The following ATL1 variants were observed in gnomAD, a reference collection of about 807,000 sequenced individuals.
ATL1 encodes atlastin GTPase 1.
In ATL1, 31 loss-of-function variants were observed where a neutral mutation model predicts 75.5. The ratio of observed to expected loss-of-function variants is 0.41; its 90% confidence interval spans 0.31 to 0.55. ATL1 has a LOEUF of 0.55. ATL1 is among the 20% of genes least tolerant of loss of function. The pLI is 0.27. For synonymous variants in ATL1, 226 were observed against 233.3 expected, an observed-to-expected ratio of 0.97 and a Z score of 0.28; for missense variants, 405 against 662.6, an observed-to-expected ratio of 0.61 and a Z score of 4.27.
rs1395786351 is a variant in ATL1, at chr14:50,542,369, G to C, written c.-140+9002G>C. 5 of 152,008 alleles carry C rather than the reference G, an allele frequency of 3.3e-5. No homozygotes were observed. In the East Asian group the frequency reaches 9.6e-4, roughly 29 times the overall value. 9.4% of individuals were successfully genotyped at this position (152,008 alleles called of 1,614,324 possible). A position where few individuals can be genotyped will look rare whatever the true frequency, so the allele number is the denominator to read the frequency against. ...ACGGGACTTAAAACCTAAATGACAG[G>C]TTGATAGGTGCAGCAAACTACCATG... On this transcript the variant is annotated intron_variant, in intron 1 of 13. Transcript: ENST00000441560.
intron 1 of ATL1, among the ~76,000 whole-genome samples, chr14:50,534,776 A>G (rs2038472135): frequency 6.6e-6 from 1 of 152,246 alleles, no homozygotes; most frequent in South Asian, 2.1e-4. Context: ...TTTTATACTA[A>G]CTCCAAAAGA....
At chr14:50,631,618 T>C (rs1160181152) in intron 13 of ATL1, among the ~76,000 whole-genome samples, 3 of 151,836 alleles carry the variant, frequency 2.0e-5, no homozygotes, top group Non-Finnish European at 2.9e-5. Context: ...CAGAGAACAA[T>C]AAGAGGTAGT....
At chr14:50,591,760 C>A in intron 4 of ATL1, 121 bp downstream of exon 4, 1 of 733,092 alleles carries the variant, frequency 1.4e-6, no homozygotes, top group Non-Finnish European at 2.3e-6. Context: ...TATTGTTTGA[C>A]TCAATTAGCA....
chr14:50,533,639 C>G (rs1392154500), intron 1 of ATL1, among the ~76,000 whole-genome samples: 2 of 151,986 alleles, frequency 1.3e-5, no homozygotes, highest in Non-Finnish European at 2.9e-5. Flanking sequence ...AACAGAAAAG[C>G]CAGATAACAC....
intron 1 of ATL1, among the ~76,000 whole-genome samples, chr14:50,535,399 A>G (rs1024666561): frequency 3.3e-5 from 5 of 152,262 alleles, no homozygotes; most frequent in African/African-American, 1.2e-4. Context: ...ACTTTAGTCT[A>G]TTGAACATAC....
intron 1 of ATL1, among the ~76,000 whole-genome samples, chr14:50,550,794 A>G (rs8021584): frequency 0.014 from 2,162 of 152,366 alleles, 42 homozygotes; most frequent in African/African-American, 0.049. Context: ...CTGCTCTTGA[A>G]TGATCTTTGG....
chr14:50,572,126 G>A (rs925583116), intron 1 of ATL1: 1 of 439,066 alleles, frequency 2.3e-6, no homozygotes, highest in Non-Finnish European at 4.4e-6. Flanking sequence ...AATCCAGAGG[G>A]TGAGCTTTGC....
At chr14:50,591,673 T>C (rs766612106) in intron 4 of ATL1, 34 bp downstream of exon 4, 4 of 1,464,238 alleles carry the variant, frequency 2.7e-6, no homozygotes, top group Non-Finnish European at 3.8e-6. Flanking sequence ...GATGTTTCTT[T>C]AACTAAAAAT....
intron 12 of ATL1, chr14:50,628,672 C>G (rs1375642223): frequency 5.7e-6 from 4 of 707,292 alleles, no homozygotes; most frequent in African/African-American, 3.5e-5. Context: ...GTTAACATTT[C>G]AGCATTTAAA....
intron 1 of ATL1, among the ~76,000 whole-genome samples, chr14:50,567,492 G>T (rs1015059297): frequency 6.6e-6 from 1 of 152,152 alleles, no homozygotes; most frequent in Non-Finnish European, 1.5e-5. Context: ...AAGTGGAATT[G>T]CTGGATCTTA....
chr14:50,597,693 TG>T (rs2039233406), intron 6 of ATL1, among the ~76,000 whole-genome samples: 1 of 152,284 alleles, frequency 6.6e-6, no homozygotes. Flanking sequence ...AGGTCAATAG[TG>T]TTTATTTTTT....
At chr14:50,549,818 A>G (rs1397619074) in intron 1 of ATL1, among the ~76,000 whole-genome samples, 2 of 152,192 alleles carry the variant, frequency 1.3e-5, no homozygotes, top group African/African-American at 2.4e-5. Context: ...CAGAATGGCT[A>G]AGTTCCCTGG....
intron 1 of ATL1, among the ~76,000 whole-genome samples, chr14:50,587,068 C>G (rs2039108690): frequency 6.6e-6 from 1 of 152,092 alleles, no homozygotes; most frequent in Non-Finnish European, 1.5e-5. Context: ...CAATAGCATG[C>G]TTGAGAATCT....
chr14:50,629,501 A>C (rs1470169580), intron 12 of ATL1, among the ~76,000 whole-genome samples: 1 of 151,660 alleles, frequency 6.6e-6, no homozygotes, highest in Non-Finnish European at 1.5e-5. Context: ...GAATCGCTTG[A>C]ACCCAGAAGG....
intron 6 of ATL1, among the ~76,000 whole-genome samples, chr14:50,602,708 T>C (rs1713634065): frequency 1.3e-5 from 2 of 152,088 alleles, no homozygotes; most frequent in South Asian, 4.2e-4. Flanking sequence ...CTGAATATAT[T>C]TGATGATTTC....
intron 11 of ATL1, among the ~76,000 whole-genome samples, chr14:50,624,480 ATG>A (rs1216224210): frequency 2.0e-4 from 31 of 152,102 alleles, no homozygotes; most frequent in African/African-American, 7.5e-4. Context: ...TAATCGATAA[ATG>A]TGTTTTCTGA....
Position 50,629,976 on chromosome 14 carries a change from T to A in ATL1, c.1552-19T>A. The A allele has an allele frequency of 6.3e-7, 1 of 1,582,426 alleles. No homozygotes were observed. The highest frequency in any genetic ancestry group is 1.2e-5 in the South Asian group (1 of 86,610). On this transcript the variant is annotated intron_variant, in intron 12 of 13. Transcript: ENST00000358385. ...GATATATACTTTTCTTTTTTCTTTT[T>A]AATCTGCCTTTGCCACAGGGAAGTA...
chr14:50,614,589 C>A, intron 8 of ATL1, 78 bp downstream of exon 8: 2 of 1,485,870 alleles, frequency 1.3e-6, no homozygotes, highest in South Asian at 1.2e-5. Context: ...GGGCTTATGG[C>A]TGATAGTTTA....
chr14:50,608,530 A>G (rs934485910), intron 6 of ATL1, among the ~76,000 whole-genome samples: 2 of 152,072 alleles, frequency 1.3e-5, no homozygotes, highest in Non-Finnish European at 2.9e-5. Flanking sequence ...TGAGAGCATC[A>G]GGCAGGAAAC....
Sources: allele counts gnomAD v4.1 joint callset (sites outside exome capture counted in the v4.1 genomes callset), GRCh38; gene constraint gnomAD v4.1.1; transcripts MANE v1.5; gene names NCBI Gene and HGNC (gene_info 2026-07-23, HGNC 2026-07-21).